ALG12: variants seen among roughly 807,000 people sequenced by gnomAD.
ALG12 encodes the protein dol-P-Man:Man(7)GlcNAc(2)-PP-Dol alpha-1,6-mannosyltransferase.
In ALG12, 36 loss-of-function variants were observed where a neutral mutation model predicts 46.0. The observed-to-expected ratio is 0.78, with a 90% confidence interval of 0.60 to 1.03. The LOEUF is 1.03. Ranked by LOEUF, ALG12 falls within the 50% of genes least tolerant of loss-of-function variation. ALG12 has a pLI of 0.00. For missense variants in ALG12, 599 were observed against 633.5 expected (o/e 0.95, Z 0.58); for synonymous variants, 326 against 291.6 (o/e 1.12, Z -1.20).
chr22:49,867,105 T>C, the ALG12 span, among the ~76,000 whole-genome samples: 1 of 152,366 alleles, frequency 6.6e-6, no homozygotes, highest in South Asian at 2.1e-4. Context: ...GTTGTATTTT[T>C]ATTGTCGTTC....
Position 49,910,090 on chromosome 22 carries a change from T to G in ALG12, c.470-2A>C. ...GCCAGGCCGCGAGGGCCAGCAGGAC[T>G]GCAAGACAGTGCGGGAGGGTGCTCG... On this transcript the variant is annotated splice_acceptor_variant, in intron 4 of 9. Transcript: ENST00000330817. LOFTEE classifies it high-confidence loss of function. 12 of 1,601,416 alleles carry G rather than the reference T, an allele frequency of 7.5e-6. No individual in the cohort carries two copies. The highest frequency in any genetic ancestry group is 1.0e-5 in the Non-Finnish European group (12 of 1,174,786).
chr22:49,872,129 A>T, the ALG12 span, among the ~76,000 whole-genome samples: 1 of 151,656 alleles, frequency 6.6e-6, no homozygotes, highest in African/African-American at 2.4e-5. Flanking sequence ...CATTTTACCC[A>T]CAGTAGAACT....
At position 49,902,657 on chromosome 22, in the gene ALG12, G is replaced by A. The variant is rs1274197275; in HGVS notation, c.*1181C>T. 6.6e-6 allele frequency: 1 copy of A among 150,536 alleles called. No individual in the cohort carries two copies. Among genetic ancestry groups the A allele is most frequent in the Admixed American group, 6.6e-5 (1 of 15,180 alleles). 9.3% of individuals were successfully genotyped at this position (150,536 alleles called of 1,614,324 possible). Reference sequence around the variant, plus strand: ...AATGTGCACGTGTGCACTGTGTGGTGTGTATGCATGGTGTGTGCACGTGTG... The same window carrying A: ...AATGTGCACGTGTGCACTGTGTGGTATGTATGCATGGTGTGTGCACGTGTG... On this transcript the variant is annotated 3_prime_UTR_variant, in exon 10 of 10. Coordinates refer to ENST00000330817, the MANE Select transcript of ALG12 (RefSeq NM_024105.4).
chr22:49,910,621 G>A lies in ALG12; in HGVS notation c.296-14C>T. ...GCACTCCTCTAACTAAACAAAGACA[G>A]TGACAGCACCTGAGCCTGCAGTGGA... is the stretch of plus-strand genomic sequence containing the variant. On this transcript the variant is annotated splice_polypyrimidine_tract_variant and intron_variant, in intron 3 of 9. Transcript: ENST00000330817. The A allele has an allele frequency of 1.9e-6, 3 of 1,614,004 alleles. No individual in the cohort carries two copies. The highest frequency in any genetic ancestry group is 2.2e-5 in the South Asian group (2 of 91,092).
chr22:49,885,322 C>A, the ALG12 span: 3 of 1,592,356 alleles, frequency 1.9e-6, no homozygotes, highest in Non-Finnish European at 2.6e-6. Context: ...AGTTATGTTT[C>A]CTGTTAATAG....
the ALG12 span, chr22:49,885,405 C>T: frequency 6.2e-7 from 1 of 1,605,654 alleles, no homozygotes; most frequent in Non-Finnish European, 8.5e-7. Flanking sequence ...TGTGCTTGCA[C>T]TGTGGCCGGA....
At chr22:49,897,559 A>G (rs780893413), downstream of ALG12, among the ~76,000 whole-genome samples, 1 of 151,814 alleles carries the variant, frequency 6.6e-6, no homozygotes, top group Non-Finnish European at 1.5e-5. Context: ...TTAATTTGCA[A>G]TTCCCTAATG....
intron 3 of ALG12, among the ~76,000 whole-genome samples, chr22:49,912,159 G>A (rs998486576): frequency 2.6e-5 from 4 of 151,842 alleles, no homozygotes; most frequent in East Asian, 1.9e-4. Flanking sequence ...GATCACCCTC[G>A]GCCCCAGGAT....
chr22:49,916,183 G>A (rs1209883356), intron 1 of ALG12, among the ~76,000 whole-genome samples: 1 of 152,152 alleles, frequency 6.6e-6, no homozygotes, highest in Non-Finnish European at 1.5e-5. Flanking sequence ...AACCCAGGAG[G>A]TGGAGCTTGC....
the ALG12 span, chr22:49,884,906 C>T: frequency 3.1e-6 from 5 of 1,602,602 alleles, no homozygotes; most frequent in African/African-American, 6.7e-5. Flanking sequence ...GCGGCCTTCT[C>T]ATCTTCCGAT....
chr22:49,871,447 C>T, the ALG12 span, among the ~76,000 whole-genome samples: 2 of 151,980 alleles, frequency 1.3e-5, no homozygotes, highest in South Asian at 2.1e-4. Context: ...ATTGCCACTG[C>T]ACTCCAGCCT....
chr22:49,897,524 T>C (rs2060487842), downstream of ALG12, among the ~76,000 whole-genome samples: 1 of 152,178 alleles, frequency 6.6e-6, no homozygotes, highest in South Asian at 2.1e-4. Context: ...TCCTAACAAG[T>C]GCGTAGTGGT....
At chr22:49,912,728 G>A (rs1026810580) in intron 3 of ALG12, among the ~76,000 whole-genome samples, 15 of 152,210 alleles carry the variant, frequency 9.9e-5, no homozygotes, top group African/African-American at 2.7e-4. Flanking sequence ...GTGACTGGGC[G>A]TGGTGGCTCA....
the ALG12 span, among the ~76,000 whole-genome samples, chr22:49,870,524 G>A: frequency 2.0e-5 from 3 of 152,046 alleles, no homozygotes; most frequent in East Asian, 1.9e-4. Flanking sequence ...CCATTGTGAC[G>A]GGTGTGAGAT....
At chr22:49,878,384 G>A in the ALG12 span, among the ~76,000 whole-genome samples, 2 of 151,924 alleles carry the variant, frequency 1.3e-5, no homozygotes, top group Non-Finnish European at 2.9e-5. Context: ...GAACAGCTGG[G>A]TTACGTGGTC....
chr22:49,879,308 G>A, the ALG12 span, among the ~76,000 whole-genome samples: 2 of 147,920 alleles, frequency 1.4e-5, no homozygotes, highest in Non-Finnish European at 3.0e-5. Context: ...TGTATTTTTA[G>A]TAGAGACCAG....
Position 49,914,742 on chromosome 22 carries a change from A to C in ALG12, c.-78-899T>G, listed in dbSNP as rs117240669. Among the ~76,000 whole-genome samples the C allele has an allele frequency of 5.1e-4, 78 of 152,308 alleles. 3 individuals carry two copies. The East Asian group carries it at 0.01, about 20-fold the overall frequency. On this transcript the variant is annotated intron_variant, in intron 1 of 9. Transcript: ENST00000330817. The stretch of plus-strand genomic sequence containing the variant: ...TACCATTTATTAAAACTACTTTAAA[A>C]ATTTTTTTTAAGAGACAGCGTCTTA...
At chr22:49,895,508 C>T (rs926779192), downstream of ALG12, among the ~76,000 whole-genome samples, 1 of 151,928 alleles carries the variant, frequency 6.6e-6, no homozygotes, top group South Asian at 2.1e-4. Context: ...AAAAATTAGC[C>T]AGGTGTGGTG....
chr22:49,898,719 A>C (rs916848686), downstream of ALG12, among the ~76,000 whole-genome samples: 2 of 152,148 alleles, frequency 1.3e-5, no homozygotes, highest in Non-Finnish European at 2.9e-5. Flanking sequence ...AAAAGTGCAC[A>C]GGCAATTCAG....
Sources: gnomAD v4.1 joint callset for allele counts (sites outside exome capture counted in the v4.1 genomes callset) on GRCh38, gnomAD v4.1.1 for gene constraint, MANE v1.5 for transcripts, NCBI Gene and HGNC (gene_info 2026-07-23, HGNC 2026-07-21) for gene names.